Variants in CEP112 observed in about 807,000 individuals in gnomAD.
CEP112 encodes the protein centrosomal protein 112, also known as centrosomal protein of 112 kDa.
In CEP112, 127 loss-of-function variants were observed where a neutral mutation model predicts 153.0. The observed-to-expected ratio is 0.83, with a 90% confidence interval of 0.72 to 0.96. CEP112 has a LOEUF of 0.96. CEP112 is among the 40% of genes least tolerant of loss of function. The pLI is 0.00. For missense variants in CEP112, 1,089 were observed against 1,101.2 expected, an observed-to-expected ratio of 0.99 and a Z score of 0.16; for synonymous variants, 358 against 374.4, an observed-to-expected ratio of 0.96 and a Z score of 0.51.
At chr17:65,673,425 T>C (rs1325739282) in intron 24 of CEP112, among the ~76,000 whole-genome samples, 1 of 152,164 alleles carries the variant, frequency 6.6e-6, no homozygotes, top group Non-Finnish European at 1.5e-5. Flanking sequence ...GCCCCACCAC[T>C]TGGATAATCT....
At chr17:65,848,318 T>A (rs904280246) in intron 21 of CEP112, among the ~76,000 whole-genome samples, 1 of 152,232 alleles carries the variant, frequency 6.6e-6, no homozygotes, top group Non-Finnish European at 1.5e-5. Context: ...AGATCATCAA[T>A]GACTTTGTGG....
chr17:65,641,027 T>G lies in CEP112; in HGVS notation c.2736A>C (p.Lys912Asn), dbSNP rs2045105419. Residue 912 changes from lysine to asparagine, a missense_variant, in exon 25 of 27, where the codon AAA becomes AAC. Transcript: ENST00000535342. ...GTCTTAGGGATGCTGGCATCAATCC[T>G]TTCAATTTTGTTTCATATTCTTGTC... is the stretch of plus-strand genomic sequence containing the variant. ...YIRQEYETKL[K>N]GLMPASLRQE... is the part of the protein sequence containing the mutation. 6.2e-7 allele frequency: 1 copy of G among 1,611,300 alleles called. No homozygotes were observed. Among genetic ancestry groups the G allele is most frequent in the Non-Finnish European group, 8.5e-7 (1 of 1,177,586 alleles).
intron 1 of CEP112, among the ~76,000 whole-genome samples, chr17:66,183,895 C>A (rs1326326788): frequency 6.6e-6 from 1 of 152,054 alleles, no homozygotes; most frequent in Non-Finnish European, 1.5e-5. Context: ...GGGAGGAAAT[C>A]TTTGCAAACT....
At chr17:65,648,048 T>C (rs1567806684) in intron 24 of CEP112, among the ~76,000 whole-genome samples, 1 of 152,178 alleles carries the variant, frequency 6.6e-6, no homozygotes, top group Non-Finnish European at 1.5e-5. Flanking sequence ...ATTAAATTCA[T>C]TAGCATAAAG....
At position 66,092,790 on chromosome 17, in the gene CEP112, A is replaced by G. The variant is rs532964352; in HGVS notation, c.768+3461T>C. On this transcript the variant is annotated intron_variant, in intron 8 of 26. Transcript: ENST00000535342. ...AAAAACCATATAATCATCTCAGTAGATGTGGAAAAAGCATTTACAAAATTC... is the reference window on the plus strand; with the variant it reads ...AAAAACCATATAATCATCTCAGTAGGTGTGGAAAAAGCATTTACAAAATTC... Among the ~76,000 whole-genome samples the G allele has an allele frequency of 3.9e-5, 6 of 152,364 alleles. No individual in the cohort carries two copies. In the East Asian group the frequency reaches 9.6e-4, roughly 24 times the overall value.
At chr17:66,031,497 T>TTTGTTTTGTTTTG in intron 12 of CEP112, among the ~76,000 whole-genome samples, 1 of 148,184 alleles carries the variant, frequency 6.7e-6, no homozygotes. Flanking sequence ...TTTTTTTTTT[T>TTTGTTTTGTTTTG]TTTTGAGACA....
At position 65,756,405 on chromosome 17, in the gene CEP112, C is replaced by CAA. The variant is rs766476895; in HGVS notation, c.2395-5683_2395-5682dup. ...TGTGTGATGCAGCAAGACTCCGTCT[C>CAA]AAAAAAAAAAAAAAAAAAAAAAAAA... On this transcript the variant is annotated intron_variant, in intron 21 of 26. Coordinates refer to ENST00000535342, the MANE Select transcript of CEP112 (RefSeq NM_001199165.4). Among the ~76,000 whole-genome samples the CAA allele has an allele frequency of 2.0e-3, 60 of 30,506 alleles. 1 individual carries two copies. Among genetic ancestry groups the CAA allele is most frequent in the African/African-American group, 2.8e-3 (23 of 8,078 alleles). 20.0% of individuals were successfully genotyped at this position (30,506 alleles called of 152,430 possible).
intron 23 of CEP112, among the ~76,000 whole-genome samples, chr17:65,724,956 C>A (rs2050095134): frequency 6.6e-6 from 1 of 152,174 alleles, no homozygotes; most frequent in African/African-American, 2.4e-5. Context: ...TAAATGACTT[C>A]CTTGCCCTCT....
At chr17:66,059,671 G>T (rs193278648) in intron 11 of CEP112, among the ~76,000 whole-genome samples, 64 of 152,274 alleles carry the variant, frequency 4.2e-4, no homozygotes, top group Non-Finnish European at 7.6e-4. Flanking sequence ...AGGTTGCAGA[G>T]AAAAAGGAAT....
intron 21 of CEP112, among the ~76,000 whole-genome samples, chr17:65,788,078 G>A (rs2054375525): frequency 6.6e-6 from 1 of 152,132 alleles, no homozygotes. Context: ...ATCAGGGTAA[G>A]GATACTCCCT....
At chr17:65,851,722 G>T in intron 21 of CEP112, 82 bp downstream of exon 21, 2 of 966,478 alleles carry the variant, frequency 2.1e-6, no homozygotes, top group Non-Finnish European at 3.2e-6. Context: ...ACTACCTTTT[G>T]GAGATTAAAT....
chr17:66,181,502 C>T (rs118191410), intron 2 of CEP112, among the ~76,000 whole-genome samples: 5,204 of 150,986 alleles, frequency 0.034, 133 homozygotes, highest in Middle Eastern at 0.061. Flanking sequence ...CCCACCAACA[C>T]GCCCATCTAA....
chr17:65,955,992 C>T (rs1350884680), intron 18 of CEP112, among the ~76,000 whole-genome samples: 1 of 152,112 alleles, frequency 6.6e-6, no homozygotes, highest in African/African-American at 2.4e-5. Flanking sequence ...TACCCTACAA[C>T]AAATGGACTT....
chr17:65,738,483 T>C (rs1005866787), intron 23 of CEP112, among the ~76,000 whole-genome samples: 1 of 152,192 alleles, frequency 6.6e-6, no homozygotes, highest in Admixed American at 6.5e-5. Context: ...ACAAAAAAAA[T>C]CAATAGTATT....
chr17:65,995,982 G>A lies in CEP112; in HGVS notation c.1736+9708C>T, dbSNP rs561602577. 1.6e-4 allele frequency among the ~76,000 whole-genome samples: 25 copies of A among 152,256 alleles called. No individual in the cohort carries two copies. The South Asian group carries it at 3.7e-3, about 23-fold the overall frequency. On this transcript the variant is annotated intron_variant, in intron 17 of 26. Transcript: ENST00000535342. ...GGCCTCCCCAGCCACATGGAACTGT[G>A]AGTCCATTAAACCTCTTTTTCTTTA...
intron 19 of CEP112, among the ~76,000 whole-genome samples, chr17:65,908,433 C>T (rs902833976): frequency 2.0e-5 from 3 of 152,124 alleles, no homozygotes; most frequent in Non-Finnish European, 2.9e-5. Context: ...CAGTGGCTCA[C>T]GCCTGTAATC....
At chr17:66,132,907 G>A (rs2070258912) in intron 4 of CEP112, 144 bp from the exon 5 acceptor site, 6 of 638,456 alleles carry the variant, frequency 9.4e-6, no homozygotes, top group Admixed American at 5.2e-5. Context: ...GCGTGGTGGC[G>A]AGTGCCTGTA....
chr17:65,790,733 G>T (rs1184345381), intron 21 of CEP112, among the ~76,000 whole-genome samples: 1 of 152,208 alleles, frequency 6.6e-6, no homozygotes, highest in Non-Finnish European at 1.5e-5. Context: ...CCACCCAGGG[G>T]CCTTAGATTT....
At position 66,053,793 on chromosome 17, in the gene CEP112, ATCC is replaced by A. The variant is rs761207175; in HGVS notation, c.1158_1160del (p.Glu386del). ...CCATTTTATTCAGACGCACATTTGT[ATCC>A]TCAAGCAATTCTTGAATGTTTTCAG... On this transcript the variant is annotated inframe_deletion, in exon 12 of 27. Transcript: ENST00000535342. 4 of 1,613,600 alleles carry A rather than the reference ATCC, an allele frequency of 2.5e-6. No individual in the cohort carries two copies. The East Asian group carries it at 8.9e-5, about 36-fold the overall frequency.
Sources: gnomAD v4.1 joint callset for allele counts (sites outside exome capture counted in the v4.1 genomes callset) on GRCh38, gnomAD v4.1.1 for gene constraint, MANE v1.5 for transcripts, NCBI Gene and HGNC (gene_info 2026-07-23, HGNC 2026-07-21) for gene names.